Variants in KLF5 observed in about 807,000 individuals in gnomAD.
KLF5 encodes the protein KLF transcription factor 5.
KLF5 carries 9 observed loss-of-function variants against 36.9 expected under a neutral mutation model. The observed-to-expected ratio is 0.24, with a 90% CI of 0.15 to 0.43. KLF5 has a LOEUF of 0.43. Ranked by LOEUF, KLF5 falls within the 20% of genes least tolerant of loss-of-function variation. The pLI is 1.00. For missense variants in KLF5, 524 were observed against 599.5 expected (o/e 0.87, Z 1.31); for synonymous variants, 246 against 241.7 (o/e 1.02, Z -0.17).
At position 73,077,259 on chromosome 13, in the gene KLF5, T is replaced by C. The variant is rs934980245; in HGVS notation, c.*1373T>C. The C allele has an allele frequency of 6.6e-6, 1 of 152,626 alleles. No homozygotes were observed. The highest frequency in any genetic ancestry group is 2.4e-5 in the African/African-American group (1 of 41,448). 9.5% of individuals were successfully genotyped at this position (152,626 alleles called of 1,614,324 possible). On this transcript the variant is annotated 3_prime_UTR_variant, in exon 4 of 4. Transcript: ENST00000377687. ...CATAACTTGATAAATTATAGTTTTGTTTGTTAGAAAAGTTGCTCTTAAAAG... is the reference window on the plus strand; with the variant it reads ...CATAACTTGATAAATTATAGTTTTGCTTGTTAGAAAAGTTGCTCTTAAAAG...
intron 2 of KLF5, 97 bp downstream of exon 2, chr13:73,062,831 T>C: frequency 2.0e-6 from 2 of 1,014,670 alleles, no homozygotes; most frequent in East Asian, 2.4e-5. Context: ...GCGCGTGCCC[T>C]TTTCAACCTC....
At chr13:73,074,138 G>A (rs2044742011) in intron 3 of KLF5, among the ~76,000 whole-genome samples, 1 of 152,162 alleles carries the variant, frequency 6.6e-6, no homozygotes, top group South Asian at 2.1e-4. Context: ...CTTTCATGTC[G>A]TCTGTTTTGG....
intron 3 of KLF5, among the ~76,000 whole-genome samples, chr13:73,070,025 G>A (rs1431720641): frequency 2.0e-5 from 3 of 152,172 alleles, no homozygotes; most frequent in African/African-American, 7.2e-5. Flanking sequence ...TGAAAGATTA[G>A]AAATAATGTC....
At chr13:73,062,805 G>C in intron 2 of KLF5, 71 bp downstream of exon 2, 1 of 1,354,460 alleles carries the variant, frequency 7.4e-7, no homozygotes, top group Non-Finnish European at 1.0e-6. Flanking sequence ...GTGCGCGCGC[G>C]TGTGCGTGTG....
Position 73,075,243 on chromosome 13 carries a change from C to T in KLF5, c.1196-465C>T, listed in dbSNP as rs187107585. Among the ~76,000 whole-genome samples, 5 of 152,252 alleles carry T rather than the reference C, an allele frequency of 3.3e-5. No individual in the cohort carries two copies. In the East Asian group the frequency reaches 7.7e-4, roughly 24 times the overall value. On this transcript the variant is annotated intron_variant, in intron 3 of 3. Transcript: ENST00000377687. ...CATGAAATTCAATGTATAGGTGATT[C>T]GTGCAACAGCTTCTGAATTTTTTCC...
upstream of KLF5, among the ~76,000 whole-genome samples, chr13:73,055,877 C>T (rs61966249): frequency 1.3e-5 from 2 of 152,016 alleles, no homozygotes; most frequent in East Asian, 1.9e-4. Context: ...AAAGTGAATA[C>T]AGTTTTGTTG....
At chr13:73,065,482 T>G (rs1176546456) in intron 3 of KLF5, among the ~76,000 whole-genome samples, 1 of 152,228 alleles carries the variant, frequency 6.6e-6, no homozygotes, top group East Asian at 1.9e-4. Flanking sequence ...GCGGGCTGTT[T>G]TGGCCTGAGG....
intron 1 of KLF5, 166 bp downstream of exon 1, chr13:73,059,754 C>A (rs1197096184): frequency 9.8e-6 from 7 of 717,458 alleles, no homozygotes; most frequent in East Asian, 1.4e-4. Context: ...GCCGGGGCCC[C>A]GCGTTTCGCT....
upstream of KLF5, among the ~76,000 whole-genome samples, chr13:73,058,562 C>T (rs971065223): frequency 6.6e-6 from 1 of 152,210 alleles, no homozygotes; most frequent in Admixed American, 6.5e-5. Context: ...CCTCAGCGCC[C>T]CTACCTAGCT....
intron 3 of KLF5, chr13:73,074,894 A>G (rs1166148399): frequency 6.6e-6 from 1 of 152,222 alleles, no homozygotes; most frequent in Non-Finnish European, 1.5e-5. Context: ...GGCCTATAAT[A>G]GATGCTTGGC....
At position 73,062,733 on chromosome 13, in the gene KLF5, T is replaced by C. The variant is rs139668497; in HGVS notation, c.1134T>C (p.Pro378=). The C allele has an allele frequency of 2.4e-4, 379 of 1,612,454 alleles. No homozygotes were observed. The highest frequency in any genetic ancestry group is 3.1e-4 in the Non-Finnish European group (364 of 1,179,020). ...EKRRIHYCDY[P]GCTKVYTKSS... Reference sequence around the variant, plus strand: ...GACGCATCCACTACTGCGATTACCCTGGTATGTGCTCTTACCTGGTTGAAG... The same window carrying C: ...GACGCATCCACTACTGCGATTACCCCGGTATGTGCTCTTACCTGGTTGAAG... Residue 378 remains proline (P), a splice_region_variant and synonymous_variant, in exon 2 of 4, where the codon CCT becomes CCC. Coordinates refer to ENST00000377687, the MANE Select transcript of KLF5 (RefSeq NM_001730.5).
chr13:73,059,658 G>T, intron 1 of KLF5, 70 bp downstream of exon 1: 1 of 1,077,988 alleles, frequency 9.3e-7, no homozygotes, highest in South Asian at 4.5e-5. Flanking sequence ...TGCGACTCGC[G>T]GGCGACAGGG....
At chr13:73,059,856 T>C in intron 1 of KLF5, 2 of 947,420 alleles carry the variant, frequency 2.1e-6, no homozygotes, top group Non-Finnish European at 2.5e-6. Context: ...GGGAGGGAAC[T>C]GGGTGCTCAC....
At chr13:73,067,004 A>G (rs535209015) in intron 3 of KLF5, among the ~76,000 whole-genome samples, 393 of 152,324 alleles carry the variant, frequency 2.6e-3, no homozygotes, top group African/African-American at 9.1e-3. Context: ...GTTCGCATGT[A>G]TTATTTGTAG....
rs2044725055 is a variant in KLF5 at position 73,071,919 on chromosome 13, G to A, written c.1196-3789G>A. Among the ~76,000 whole-genome samples the A allele has an allele frequency of 2.6e-5, 4 of 152,270 alleles. No individual in the cohort carries two copies. The South Asian group carries it at 8.3e-4, about 32-fold the overall frequency. On this transcript the variant is annotated intron_variant, in intron 3 of 3. Coordinates refer to ENST00000377687, the MANE Select transcript of KLF5 (RefSeq NM_001730.5). ...GAGTTTTGCAAGGCATTTAGTACAG[G>A]TTACACCTTCACTAATAAACAGTGA... is the stretch of plus-strand genomic sequence containing the variant.
rs1267019088 is a variant in KLF5, at chr13:73,059,495, C to T, written c.168C>T (p.His56=). 8.1e-6 allele frequency: 10 copies of T among 1,232,952 alleles called. No individual in the cohort carries two copies. Among genetic ancestry groups the T allele is most frequent in the Non-Finnish European group, 1.0e-5 (10 of 990,530 alleles). The allele number at this position is 1,232,952 out of a possible 1,614,324, so 76.4% of individuals were successfully genotyped here. Residue 56 remains histidine (H), a synonymous_variant, in exon 1 of 4, where the codon CAC becomes CAT. Transcript: ENST00000377687. ...GCGAGGAGCTGAAGCACGCGCACCA[C>T]CGCCCGCAGGCGCAGCCCGCGCCCG... ...FPGEELKHAH[H]RPQAQPAPAQ...
In KLF5 at chr13:73,076,112, C is replaced by A; in HGVS notation, c.*226C>A. On this transcript the variant is annotated 3_prime_UTR_variant, in exon 4 of 4. Coordinates refer to ENST00000377687, the MANE Select transcript of KLF5 (RefSeq NM_001730.5). ...GCTTGCTGTAATGTATATGGCTTTA[C>A]TCAAGCAGATCTCATCTCATGACAG... 1 of 392,198 alleles carries A rather than the reference C, an allele frequency of 2.5e-6. No individual in the cohort carries two copies. Among genetic ancestry groups the A allele is most frequent in the Non-Finnish European group, 4.5e-6 (1 of 223,594 alleles). The allele number at this position is 392,198 out of a possible 1,614,324, so 24.3% of individuals were successfully genotyped here. A position where few individuals can be genotyped will look rare whatever the true frequency, so the allele number is the denominator to read the frequency against.
chr13:73,062,368 T>C lies in KLF5; in HGVS notation c.769T>C (p.Ser257Pro), dbSNP rs752257469. The change falls in exon 2 of 4, where the codon TCA becomes CCA. Residue 257 changes from serine to proline, a missense_variant. Around this residue, in one of 4 missense-constraint regions of KLF5, gnomAD observed 454 missense variants for 458.1 expected, o/e 0.99. Transcript: ENST00000377687. ...AAMDTLNVSMSAAMAGLNTHT... is the reference protein window; with the variant it reads ...AAMDTLNVSMPAAMAGLNTHT... ...AATGGACACTCTTAATGTTTCTATG[T>C]CAGCTGCCATGGCAGGCCTTAACAC... 1.2e-6 allele frequency: 2 copies of C among 1,614,206 alleles called. No individual in the cohort carries two copies. Among genetic ancestry groups the C allele is most frequent in the Admixed American group, 3.3e-5 (2 of 60,022 alleles).
intron 3 of KLF5, among the ~76,000 whole-genome samples, chr13:73,070,325 A>G (rs1277797814): frequency 6.6e-6 from 1 of 152,198 alleles, no homozygotes; most frequent in Non-Finnish European, 1.5e-5. Context: ...ACTGGGAAAA[A>G]ATGAAAATAG....
Sources: gnomAD v4.1 joint callset for allele counts (sites outside exome capture counted in the v4.1 genomes callset) on GRCh38, gnomAD v4.1.1 for gene constraint, gnomAD v4.1.1 regional missense constraint, MANE v1.5 for transcripts, NCBI Gene and HGNC (gene_info 2026-07-23, HGNC 2026-07-21) for gene names.